The following RPS6KA5 variants were observed in gnomAD, a reference collection of about 807,000 sequenced individuals.
The protein encoded by RPS6KA5 is ribosomal protein S6 kinase alpha-5.
Under a neutral mutation model 85.5 loss-of-function variants are expected in RPS6KA5, and 27 were observed. The ratio of observed to expected loss-of-function variants is 0.32; its 90% CI spans 0.23 to 0.44. The LOEUF is 0.44. Among genes scored for constraint, RPS6KA5 ranks in the 20% least tolerant of loss-of-function variants. The pLI is 1.00. For synonymous variants in RPS6KA5, 334 were observed against 348.2 expected, an observed-to-expected ratio of 0.96 and a Z score of 0.46; for missense variants, 811 against 980.9, an observed-to-expected ratio of 0.83 and a Z score of 2.31.
rs183685953 is a variant in RPS6KA5, at chr14:91,006,349, T to A, written c.104-5190A>T. 5.0e-4 allele frequency among the ~76,000 whole-genome samples: 76 copies of A among 152,350 alleles called. 2 individuals carry two copies. The highest frequency in any genetic ancestry group is 6.8e-3 in the Middle Eastern group (2 of 294). Reference sequence around the variant, plus strand: ...GTTCTCCTGGGACCTGGTTCTATGATCTGAATGTTTGTATCCTCCAAAATT... The same window carrying A: ...GTTCTCCTGGGACCTGGTTCTATGAACTGAATGTTTGTATCCTCCAAAATT... On this transcript the variant is annotated intron_variant, in intron 1 of 16. Transcript: ENST00000614987.
At chr14:91,058,569 T>C (rs961436287) in intron 1 of RPS6KA5, among the ~76,000 whole-genome samples, 6 of 152,210 alleles carry the variant, frequency 3.9e-5, no homozygotes, top group African/African-American at 9.6e-5. Context: ...TGGATCGTTA[T>C]GTAAGACAAG....
intron 1 of RPS6KA5, among the ~76,000 whole-genome samples, chr14:91,020,923 T>C (rs934801157): frequency 6.6e-6 from 1 of 152,156 alleles, no homozygotes; most frequent in Non-Finnish European, 1.5e-5. Context: ...ATTCAGGTTA[T>C]GCATGTTCAA....
At chr14:90,874,830 G>A (rs1435250052) in intron 15 of RPS6KA5, among the ~76,000 whole-genome samples, 1 of 152,192 alleles carries the variant, frequency 6.6e-6, no homozygotes, top group African/African-American at 2.4e-5. Flanking sequence ...GGCAGGTGCA[G>A]GTATCCAGGA....
chr14:90,907,127 T>C (rs1019534435), intron 7 of RPS6KA5, among the ~76,000 whole-genome samples: 7 of 152,202 alleles, frequency 4.6e-5, no homozygotes, highest in African/African-American at 7.2e-5. Context: ...ATTAAAAGGA[T>C]TGACTGAAAT....
At chr14:90,917,096 T>C (rs964099872) in intron 7 of RPS6KA5, among the ~76,000 whole-genome samples, 1 of 152,192 alleles carries the variant, frequency 6.6e-6, no homozygotes, top group African/African-American at 2.4e-5. Context: ...ATGACAGGTA[T>C]GATCTTACAA....
intron 11 of RPS6KA5, 132 bp downstream of exon 11, chr14:90,899,976 T>A: frequency 1.6e-6 from 1 of 606,254 alleles, no homozygotes; most frequent in South Asian, 4.1e-5. Flanking sequence ...GACCAACTGA[T>A]GAGCCAAGTG....
intron 5 of RPS6KA5, among the ~76,000 whole-genome samples, chr14:90,939,438 C>T (rs1010383393): frequency 6.6e-6 from 1 of 152,176 alleles, no homozygotes; most frequent in Non-Finnish European, 1.5e-5. Flanking sequence ...GCACCCCACT[C>T]GTGGTACCAA....
intron 1 of RPS6KA5, among the ~76,000 whole-genome samples, chr14:91,054,015 G>C (rs759085582): frequency 6.6e-6 from 1 of 152,214 alleles, no homozygotes; most frequent in Non-Finnish European, 1.5e-5. Context: ...AGAGAACTGA[G>C]AGTATAAAAT....
In RPS6KA5 at chr14:90,920,252, G is replaced by C; in HGVS notation, c.760C>G (p.Pro254Ala). The change falls in exon 7 of 17, where the codon CCT becomes GCT. Residue 254 changes from proline (P) to alanine (A), a missense_variant. Physicochemically the swap from Pro to Ala is conservative, Grantham distance 27 (BLOSUM62 -1). Around this residue, in one of 3 missense-constraint regions of RPS6KA5, gnomAD observed 650 missense variants for 793.4 expected, o/e 0.82. Transcript: ENST00000614987. ...LMYELLTGAS[P>A]FTVDGEKNSQ... ...TTTTTTTCTCCATCAACAGTGAAAGGAGATGCTCCAGTTAGTAATTCATAC... is the reference window on the plus strand; with the variant it reads ...TTTTTTTCTCCATCAACAGTGAAAGCAGATGCTCCAGTTAGTAATTCATAC... 1.9e-6 allele frequency: 3 copies of C among 1,612,742 alleles called. No homozygotes were observed. Among genetic ancestry groups the C allele is most frequent in the Non-Finnish European group, 1.7e-6 (2 of 1,179,238 alleles).
intron 5 of RPS6KA5, among the ~76,000 whole-genome samples, chr14:90,923,937 C>T (rs1442399115): frequency 6.6e-6 from 1 of 152,004 alleles, no homozygotes; most frequent in African/African-American, 2.4e-5. Context: ...CATTTATTAT[C>T]TCAACTTAGA....
chr14:90,894,927 C>T (rs1197047909), intron 12 of RPS6KA5, among the ~76,000 whole-genome samples: 1 of 152,188 alleles, frequency 6.6e-6, no homozygotes, highest in Non-Finnish European at 1.5e-5. Flanking sequence ...GGGATTCTCT[C>T]ATCTCAGGCC....
intron 2 of RPS6KA5, among the ~76,000 whole-genome samples, chr14:90,987,534 T>C (rs1177284852): frequency 6.6e-6 from 1 of 152,226 alleles, no homozygotes; most frequent in Non-Finnish European, 1.5e-5. Flanking sequence ...ATCAGGAATA[T>C]TCATAGAGTC....
chr14:90,953,787 A>G (rs187068635), intron 3 of RPS6KA5, among the ~76,000 whole-genome samples: 216 of 152,246 alleles, frequency 1.4e-3, no homozygotes, highest in African/African-American at 4.9e-3. Flanking sequence ...TAGGACTGGG[A>G]AACTCCACCC....
At chr14:90,884,574 T>A (rs2034066410) in intron 14 of RPS6KA5, among the ~76,000 whole-genome samples, 1 of 152,314 alleles carries the variant, frequency 6.6e-6, no homozygotes, top group South Asian at 2.1e-4. Flanking sequence ...AGCCTTTCCC[T>A]GGAAGTTGAA....
intron 3 of RPS6KA5, among the ~76,000 whole-genome samples, chr14:90,950,540 C>T (rs1049507602): frequency 4.6e-5 from 7 of 152,168 alleles, no homozygotes; most frequent in Non-Finnish European, 5.9e-5. Flanking sequence ...CCATAGATGC[C>T]TTTATCAGGT....
chr14:90,958,732 C>A (rs2038650729), intron 3 of RPS6KA5, among the ~76,000 whole-genome samples: 1 of 152,068 alleles, frequency 6.6e-6, no homozygotes, highest in Non-Finnish European at 1.5e-5. Flanking sequence ...AGACAAAAAT[C>A]TCCAACCTAG....
intron 1 of RPS6KA5, among the ~76,000 whole-genome samples, chr14:91,020,613 ATTGT>A (rs1434547846): frequency 9.7e-5 from 2 of 20,702 alleles, no homozygotes; most frequent in African/African-American, 3.4e-4. Flanking sequence ...TATATATCCT[ATTGT>A]GTGTGTGTGT....
At chr14:90,898,283 G>A (rs571615306) in intron 12 of RPS6KA5, among the ~76,000 whole-genome samples, 1 of 152,276 alleles carries the variant, frequency 6.6e-6, no homozygotes, top group East Asian at 1.9e-4. Flanking sequence ...TACATGCAGA[G>A]TGCCTGGTAC....
chr14:90,853,081 G>A lies in RPS6KA5; in HGVS notation c.*18993C>T, dbSNP rs923046465. The A allele has an allele frequency of 1.2e-4, 18 of 152,076 alleles. No individual in the cohort carries two copies. The highest frequency in any genetic ancestry group is 6.5e-4 in the Admixed American group (10 of 15,280). 9.4% of individuals were successfully genotyped at this position (152,076 alleles called of 1,614,324 possible). A position where few individuals can be genotyped will look rare whatever the true frequency, so the allele number is the denominator to read the frequency against. ...AAGCAGTCACAATGAAAAAAGCCCCGGATGTTAGCAAAAAGAGTGAATGTG... is the reference window on the plus strand; with the variant it reads ...AAGCAGTCACAATGAAAAAAGCCCCAGATGTTAGCAAAAAGAGTGAATGTG... On this transcript the variant is annotated 3_prime_UTR_variant, in exon 17 of 17. Coordinates refer to ENST00000614987, the MANE Select transcript of RPS6KA5 (RefSeq NM_004755.4).
Sources: allele counts gnomAD v4.1 joint callset (sites outside exome capture counted in the v4.1 genomes callset), GRCh38; gene constraint gnomAD v4.1.1; regional missense constraint gnomAD v4.1.1; transcripts MANE v1.5; gene names NCBI Gene and HGNC (gene_info 2026-07-23, HGNC 2026-07-21).